LDB2: variants seen among roughly 807,000 people sequenced by gnomAD.
LDB2 encodes LIM domain-binding protein 2.
Under a neutral mutation model 44.3 loss-of-function variants are expected in LDB2, and 12 were observed. The observed-to-expected ratio is 0.27, with a 90% CI of 0.17 to 0.44. The LOEUF (loss-of-function observed/expected upper bound fraction) is 0.44. LDB2 is among the 20% of genes least tolerant of loss of function. The pLI, the probability that LDB2 is intolerant of heterozygous loss-of-function variation, is 1.00. For synonymous variants in LDB2, 164 were observed against 174.8 expected (o/e 0.94, Z 0.49); for missense variants, 344 against 473.5 (o/e 0.73, Z 2.54).
chr4:16,562,868 A>G (rs1742925479), intron 5 of LDB2, among the ~76,000 whole-genome samples: 1 of 152,260 alleles, frequency 6.6e-6, no homozygotes, highest in African/African-American at 2.4e-5. Flanking sequence ...CATATACACC[A>G]TGGAACACTA....
rs867616117 is a variant in LDB2, at chr4:16,560,429, G to C, written c.615+25493C>G. On this transcript the variant is annotated intron_variant, in intron 5 of 7. Coordinates refer to ENST00000304523, the MANE Select transcript of LDB2 (RefSeq NM_001290.5). Reference sequence around the variant, plus strand: ...AAATACAAACTACCATCAGAGAATAGTACAAACACCTCTACGCAAATAAAC... The same window carrying C: ...AAATACAAACTACCATCAGAGAATACTACAAACACCTCTACGCAAATAAAC... 5.3e-4 allele frequency among the ~76,000 whole-genome samples: 80 copies of C among 152,068 alleles called. 1 individual carries two copies. In the Middle Eastern group the frequency reaches 0.01, roughly 19 times the overall value.
intron 2 of LDB2, among the ~76,000 whole-genome samples, chr4:16,695,702 G>A (rs543660196): frequency 2.0e-4 from 31 of 152,246 alleles, no homozygotes; most frequent in African/African-American, 7.5e-4. Flanking sequence ...TAAAGCAAAA[G>A]CAGCCCTAGA....
intron 1 of LDB2, among the ~76,000 whole-genome samples, chr4:16,894,647 T>C (rs1317202450): frequency 1.3e-5 from 2 of 151,856 alleles, no homozygotes; most frequent in African/African-American, 4.8e-5. Context: ...TTAGGGAGAG[T>C]GAGAAGCAGA....
chr4:16,648,305 C>T lies in LDB2; in HGVS notation c.236-52430G>A, dbSNP rs530935739. Among the ~76,000 whole-genome samples the T allele has an allele frequency of 1.5e-3, 229 of 152,274 alleles. 2 individuals are homozygous for T. The highest frequency in any genetic ancestry group is 2.7e-3 in the Non-Finnish European group (183 of 68,012). On this transcript the variant is annotated intron_variant, in intron 2 of 7. Transcript: ENST00000304523. ...TGCACTCCGTCATCATAAAGGAAGA[C>T]GGTGTCAACCAGATCTGATAAGAAA...
chr4:16,768,808 TA>T (rs1298837235), intron 1 of LDB2, among the ~76,000 whole-genome samples: 1 of 152,184 alleles, frequency 6.6e-6, no homozygotes. Flanking sequence ...TTGCACATTA[TA>T]AACCCCTTAA....
chr4:16,588,935 C>CAGTG, intron 3 of LDB2, 103 bp from the exon 4 acceptor site: 1 of 1,213,570 alleles, frequency 8.2e-7, no homozygotes, highest in Non-Finnish European at 1.2e-6. Context: ...TGTCCTTGGG[C>CAGTG]AGTGCTAGCT....
At chr4:16,570,021 A>T (rs957716322) in intron 5 of LDB2, among the ~76,000 whole-genome samples, 1 of 152,120 alleles carries the variant, frequency 6.6e-6, no homozygotes, top group Non-Finnish European at 1.5e-5. Context: ...TCAAGTATTC[A>T]CCCAAAGTGT....
chr4:16,770,206 C>A (rs1191826011), intron 1 of LDB2, among the ~76,000 whole-genome samples: 1 of 152,130 alleles, frequency 6.6e-6, no homozygotes, highest in Non-Finnish European at 1.5e-5. Flanking sequence ...AGGGCAACAT[C>A]TTACCCATGT....
chr4:16,795,717 A>C (rs2109669207), intron 1 of LDB2, among the ~76,000 whole-genome samples: 1 of 152,290 alleles, frequency 6.6e-6, no homozygotes, highest in Non-Finnish European at 1.5e-5. Context: ...CTAGACTCCG[A>C]ATCCCTTGAG....
chr4:16,722,532 A>G (rs1344273730), intron 2 of LDB2, among the ~76,000 whole-genome samples: 1 of 152,222 alleles, frequency 6.6e-6, no homozygotes, highest in East Asian at 1.9e-4. Context: ...CCATTTGAAT[A>G]CATTCATCCT....
At chr4:16,548,627 C>G (rs368043945) in intron 5 of LDB2, among the ~76,000 whole-genome samples, 4 of 152,196 alleles carry the variant, frequency 2.6e-5, no homozygotes, top group Non-Finnish European at 5.9e-5. Context: ...AAATAAATAA[C>G]CATTTGTTTA....
chr4:16,603,662 ACT>A (rs1723161628), intron 2 of LDB2, among the ~76,000 whole-genome samples: 2 of 152,016 alleles, frequency 1.3e-5, no homozygotes, highest in African/African-American at 4.8e-5. Flanking sequence ...TCATAACTGT[ACT>A]CTGTTTTTTA....
At chr4:16,636,566 G>A (rs1733661861) in intron 2 of LDB2, among the ~76,000 whole-genome samples, 1 of 152,148 alleles carries the variant, frequency 6.6e-6, no homozygotes, top group East Asian at 1.9e-4. Flanking sequence ...CCTTCAGGCT[G>A]TATGACAACT....
chr4:16,727,720 C>A (rs1415871659), intron 2 of LDB2, among the ~76,000 whole-genome samples: 1 of 152,172 alleles, frequency 6.6e-6, no homozygotes, highest in Non-Finnish European at 1.5e-5. Flanking sequence ...TCTAGCATCC[C>A]ACTCTTTCTG....
At chr4:16,690,491 GA>G (rs1750417372) in intron 2 of LDB2, among the ~76,000 whole-genome samples, 2 of 15,322 alleles carry the variant, frequency 1.3e-4, no homozygotes, top group Non-Finnish European at 1.8e-4. Context: ...GGGAGGGAGG[GA>G]GGGAGGGAGG....
intron 1 of LDB2, among the ~76,000 whole-genome samples, chr4:16,774,287 G>A (rs1030426994): frequency 2.6e-5 from 4 of 151,368 alleles, no homozygotes; most frequent in African/African-American, 4.9e-5. Context: ...TGATCCTAAC[G>A]CCTCTCACAC....
At chr4:16,814,578 C>T (rs1330921496) in intron 1 of LDB2, among the ~76,000 whole-genome samples, 2 of 152,282 alleles carry the variant, frequency 1.3e-5, no homozygotes, top group Non-Finnish European at 2.9e-5. Flanking sequence ...CTCAAGTTAA[C>T]AGGAGTCACA....
chr4:16,615,629 C>G (rs1456811823), intron 2 of LDB2, among the ~76,000 whole-genome samples: 4 of 151,852 alleles, frequency 2.6e-5, no homozygotes, highest in African/African-American at 9.7e-5. Flanking sequence ...AAGGAGGGAA[C>G]TTAGAGGATG....
In LDB2 at chr4:16,558,502, T is replaced by C. The variant is rs573284649; in HGVS notation, c.615+27420A>G. 7.2e-5 allele frequency among the ~76,000 whole-genome samples: 11 copies of C among 151,816 alleles called. No homozygotes were observed. In the South Asian group the frequency reaches 1.5e-3, roughly 20 times the overall value. On this transcript the variant is annotated intron_variant, in intron 5 of 7. Transcript: ENST00000304523. The stretch of plus-strand genomic sequence containing the variant: ...GAATGAAATGAAGCGAGAAGGGAAG[T>C]TTAGAGAAAAAAGAATAAAAAGAAA...
Sources: gnomAD v4.1 joint callset for allele counts (sites outside exome capture counted in the v4.1 genomes callset) on GRCh38, gnomAD v4.1.1 for gene constraint, MANE v1.5 for transcripts, NCBI Gene and HGNC (gene_info 2026-07-23, HGNC 2026-07-21) for gene names.